The following SAMD3 variants were observed in gnomAD, a reference collection of about 807,000 sequenced individuals.
The protein encoded by SAMD3 is sterile alpha motif domain containing 3, also known as sterile alpha motif domain-containing protein 3.
SAMD3 carries 63 observed loss-of-function variants against 58.5 expected under a neutral mutation model. That is an observed-to-expected ratio of 1.08 (90% CI 0.88 to 1.33). The LOEUF (loss-of-function observed/expected upper bound fraction) is 1.33, where lower values mean the gene tolerates loss of function less well. SAMD3 is among the 40% of genes most tolerant of loss of function. SAMD3 has a pLI of 0.00. For synonymous variants in SAMD3, 220 were observed against 210.3 expected, an observed-to-expected ratio of 1.05 and a Z score of -0.40; for missense variants, 604 against 608.4, an observed-to-expected ratio of 0.99 and a Z score of 0.08.
At chr6:130,233,423 TA>T (rs1261458994) in intron 2 of SAMD3, among the ~76,000 whole-genome samples, 2 of 152,164 alleles carry the variant, frequency 1.3e-5, no homozygotes, top group African/African-American at 4.8e-5. Context: ...GATTTCAAAC[TA>T]AACATGGAAA....
intron 5 of SAMD3, among the ~76,000 whole-genome samples, chr6:130,187,812 T>C (rs1410379461): frequency 6.6e-6 from 1 of 152,182 alleles, no homozygotes; most frequent in Admixed American, 6.5e-5. Context: ...TGTTCCCACC[T>C]CAGAACCAGG....
intron 1 of SAMD3, among the ~76,000 whole-genome samples, chr6:130,357,218 G>A (rs998360466): frequency 1.1e-4 from 16 of 144,850 alleles, no homozygotes; most frequent in Non-Finnish European, 2.1e-4. Context: ...TCCGCCTCCC[G>A]GGTTCACGCC....
intron 2 of SAMD3, among the ~76,000 whole-genome samples, chr6:130,257,801 A>G (rs1194378879): frequency 6.6e-6 from 1 of 152,168 alleles, no homozygotes; most frequent in African/African-American, 2.4e-5. Context: ...GAGGTTATAG[A>G]ACATTTCTAA....
intron 2 of SAMD3, among the ~76,000 whole-genome samples, chr6:130,303,353 T>C (rs1775813995): frequency 6.6e-6 from 1 of 152,152 alleles, no homozygotes; most frequent in Non-Finnish European, 1.5e-5. Context: ...GATCTCTCTG[T>C]TGAGGTCTGA....
downstream of SAMD3, chr6:130,144,071 G>A (rs939689307): frequency 3.8e-5 from 6 of 159,976 alleles, no homozygotes; most frequent in Non-Finnish European, 8.2e-5. Context: ...AGAAGAGTAT[G>A]TGTCCCTTCT....
At chr6:130,218,704 T>C (rs1385793010) in intron 1 of SAMD3, among the ~76,000 whole-genome samples, 2 of 152,100 alleles carry the variant, frequency 1.3e-5, no homozygotes, top group Admixed American at 6.6e-5. Context: ...TCCCACAGTG[T>C]CCTGGAAGCG....
At chr6:130,330,257 G>T (rs548123127) in intron 1 of SAMD3, among the ~76,000 whole-genome samples, 10 of 152,144 alleles carry the variant, frequency 6.6e-5, no homozygotes, top group Non-Finnish European at 1.5e-4. Flanking sequence ...GCACTTGTAC[G>T]TAATAGAGGG....
chr6:130,361,043 C>G (rs1454313273), intron 1 of SAMD3, among the ~76,000 whole-genome samples: 2 of 152,074 alleles, frequency 1.3e-5, no homozygotes, highest in Non-Finnish European at 2.9e-5. Flanking sequence ...TCTTCAAACA[C>G]ACATGCTCTA....
At chr6:130,289,163 T>G (rs1409572830) in intron 2 of SAMD3, among the ~76,000 whole-genome samples, 1 of 152,210 alleles carries the variant, frequency 6.6e-6, no homozygotes, top group Non-Finnish European at 1.5e-5. Context: ...GAGGCTACTT[T>G]AAATGCTAGA....
chr6:130,188,488 C>T (rs1435797495), intron 5 of SAMD3, among the ~76,000 whole-genome samples: 3 of 152,146 alleles, frequency 2.0e-5, no homozygotes, highest in Non-Finnish European at 2.9e-5. Context: ...GATGTGGTCT[C>T]GGCAAAGATG....
chr6:130,212,364 G>GC (rs1177892005), intron 4 of SAMD3, among the ~76,000 whole-genome samples: 3 of 152,196 alleles, frequency 2.0e-5, no homozygotes, highest in Non-Finnish European at 4.4e-5. Flanking sequence ...AGGTGAGTCA[G>GC]CTGCTTATGG....
chr6:130,288,840 G>A (rs1042849679), intron 2 of SAMD3, among the ~76,000 whole-genome samples: 1 of 152,212 alleles, frequency 6.6e-6, no homozygotes, highest in Non-Finnish European at 1.5e-5. Flanking sequence ...ACAGTCTTAT[G>A]AGGGGTGTAA....
At chr6:130,182,736 G>A (rs141468308) in intron 7 of SAMD3, among the ~76,000 whole-genome samples, 7 of 152,250 alleles carry the variant, frequency 4.6e-5, no homozygotes, top group East Asian at 1.9e-4. Flanking sequence ...TAGATAATTG[G>A]CATTTATCCT....
chr6:130,265,776 A>AG (rs1774323963), intron 2 of SAMD3, among the ~76,000 whole-genome samples: 1 of 151,948 alleles, frequency 6.6e-6, no homozygotes, highest in African/African-American at 2.4e-5. Context: ...AACAGAAAAA[A>AG]AAGAGGTGCC....
At chr6:130,290,758 G>A (rs1775335598) in intron 2 of SAMD3, among the ~76,000 whole-genome samples, 1 of 152,144 alleles carries the variant, frequency 6.6e-6, no homozygotes, top group South Asian at 2.1e-4. Flanking sequence ...CACACATGTA[G>A]TGTGTTCAGA....
At chr6:130,227,348 AT>A (rs1330258999), upstream of SAMD3, among the ~76,000 whole-genome samples, 3 of 152,242 alleles carry the variant, frequency 2.0e-5, no homozygotes, top group African/African-American at 7.2e-5. Context: ...TATATACCAT[AT>A]TTTGTTTATC....
chr6:130,157,631 T>C (rs1252587812), intron 8 of SAMD3, among the ~76,000 whole-genome samples: 7 of 152,184 alleles, frequency 4.6e-5, no homozygotes, highest in Non-Finnish European at 7.3e-5. Context: ...CTGACAGATA[T>C]GATTTTTAAT....
rs770241311 is a variant in SAMD3, at chr6:130,214,419, AT to A, written c.186del (p.Lys62AsnfsTer9). On this transcript the variant is annotated frameshift_variant, in exon 4 of 12. Coordinates refer to ENST00000439090, the MANE Select transcript of SAMD3 (RefSeq NM_001017373.4). LOFTEE classifies it high-confidence loss of function. ...HQAVLMDLIK[K>X]YKQNTQGLKS... ...TTCAGTCCTTGAGTGTTCTGCTTGTATTTTTTAATTAAATCCATCAGAACAG... is the reference window on the plus strand; with the variant it reads ...TTCAGTCCTTGAGTGTTCTGCTTGTATTTTTAATTAAATCCATCAGAACAG... 3 of 1,613,040 alleles carry A rather than the reference AT, an allele frequency of 1.9e-6. No homozygotes were observed. The highest frequency in any genetic ancestry group is 4.5e-5 in the East Asian group (2 of 44,786).
At chr6:130,169,738 T>C (rs180972033) in intron 8 of SAMD3, among the ~76,000 whole-genome samples, 1 of 152,194 alleles carries the variant, frequency 6.6e-6, no homozygotes, top group East Asian at 1.9e-4. Context: ...AAAATGTGAG[T>C]GTACAAGCTG....
Sources: allele counts gnomAD v4.1 joint callset (sites outside exome capture counted in the v4.1 genomes callset), GRCh38; gene constraint gnomAD v4.1.1; transcripts MANE v1.5; gene names NCBI Gene and HGNC (gene_info 2026-07-23, HGNC 2026-07-21).